ZNF676: variants seen among roughly 807,000 people sequenced by gnomAD.
The protein encoded by ZNF676 is zinc finger protein 676.
In ZNF676, 4 loss-of-function variants were observed where a neutral mutation model predicts 6.0. That is an observed-to-expected ratio of 0.67 (90% CI 0.33 to 1.53). The LOEUF (loss-of-function observed/expected upper bound fraction) is 1.53, where lower values mean the gene tolerates loss of function less well. Among genes scored for constraint, ZNF676 ranks in the 40% most tolerant of loss-of-function variants. The probability of loss-of-function intolerance (pLI) is 0.06; values close to 1 mark genes in which losing one functional copy is unlikely to be tolerated. For missense variants in ZNF676, 644 were observed against 679.7 expected (o/e 0.95, Z 0.58); for synonymous variants, 198 against 223.1 (o/e 0.89, Z 1.00).
the ZNF676 span, among the ~76,000 whole-genome samples, chr19:22,241,577 G>A: frequency 1.3e-5 from 2 of 151,902 alleles, no homozygotes; most frequent in African/African-American, 4.9e-5. Context: ...GTGCATAAGA[G>A]TGTCACAATA....
chr19:22,219,815 C>T (rs2024229676), upstream of ZNF676, among the ~76,000 whole-genome samples: 1 of 152,028 alleles, frequency 6.6e-6, no homozygotes, highest in African/African-American at 2.4e-5. Flanking sequence ...ACCATCATGC[C>T]TGGCTAATTT....
intron 1 of ZNF676, among the ~76,000 whole-genome samples, chr19:22,196,059 T>G (rs1184414823): frequency 2.0e-5 from 3 of 152,150 alleles, no homozygotes; most frequent in Admixed American, 1.3e-4. Context: ...AATCACAAAA[T>G]GAGAGCTGCC....
intron 1 of ZNF676, among the ~76,000 whole-genome samples, chr19:22,194,856 G>T (rs545406050): frequency 1.3e-5 from 2 of 152,108 alleles, no homozygotes; most frequent in Admixed American, 1.3e-4. Context: ...GGAACACCAG[G>T]AAGTGCACGA....
chr19:22,196,350 A>G lies in ZNF676; in HGVS notation c.34+250T>C, dbSNP rs146204922. On this transcript the variant is annotated intron_variant, in intron 1 of 2. Coordinates refer to ENST00000397121, the MANE Select transcript of ZNF676 (RefSeq NM_001001411.3). ...AAAGAATACAGTCATGCAGGCCTGC[A>G]TTAAGTCAAGCAGCTGACCACAACC... Among the ~76,000 whole-genome samples the G allele has an allele frequency of 1.2e-3, 183 of 152,258 alleles. 1 individual carries two copies. The highest frequency in any genetic ancestry group is 4.1e-3 in the African/African-American group (172 of 41,554).
the ZNF676 span, among the ~76,000 whole-genome samples, chr19:22,245,964 C>T: frequency 6.6e-6 from 1 of 152,190 alleles, no homozygotes; most frequent in East Asian, 1.9e-4. Flanking sequence ...CCAAAAGGTT[C>T]CTTGTGGGCA....
chr19:22,181,920 C>T (rs1287194570), intron 2 of ZNF676, among the ~76,000 whole-genome samples: 2 of 147,052 alleles, frequency 1.4e-5, no homozygotes, highest in Non-Finnish European at 3.0e-5. Flanking sequence ...GCAAATTGTC[C>T]ATTTCTGATT....
the ZNF676 span, among the ~76,000 whole-genome samples, chr19:22,236,954 C>A: frequency 6.6e-6 from 1 of 152,216 alleles, no homozygotes; most frequent in African/African-American, 2.4e-5. Flanking sequence ...ATTATTCCCA[C>A]TGTATTTAAA....
In ZNF676 at chr19:22,180,209, T is replaced by C. The variant is rs370818313; in HGVS notation, c.1508A>G (p.Lys503Arg). Residue 503 changes from lysine to arginine, a missense_variant, in exon 3 of 3, where the codon AAA (lysine) becomes AGA (arginine). Coordinates refer to ENST00000397121, the MANE Select transcript of ZNF676 (RefSeq NM_001001411.3). ...GCCACATTCTTCACATTTGTAGCGTTTCTCTCCAGTATGAATTATCTTATG... is the reference window on the plus strand; with the variant it reads ...GCCACATTCTTCACATTTGTAGCGTCTCTCTCCAGTATGAATTATCTTATG... The part of the protein sequence containing the change: ...TKHKIIHTGE[K>R]RYKCEECGKA... 18 of 1,613,816 alleles carry C rather than the reference T, an allele frequency of 1.1e-5. No homozygotes were observed. The African/African-American group carries it at 2.4e-4, about 22-fold the overall frequency.
At chr19:22,228,666 A>G in the ZNF676 span, among the ~76,000 whole-genome samples, 1 of 152,228 alleles carries the variant, frequency 6.6e-6, no homozygotes, top group Non-Finnish European at 1.5e-5. Context: ...GTCTCAGGAT[A>G]CAAAATCAAT....
chr19:22,215,961 A>AG (rs2024183772), upstream of ZNF676, among the ~76,000 whole-genome samples: 1 of 152,346 alleles, frequency 6.6e-6, no homozygotes, highest in East Asian at 1.9e-4. Flanking sequence ...CTTTTCAGGC[A>AG]GGGCTTCCTC....
At chr19:22,229,210 A>G in the ZNF676 span, among the ~76,000 whole-genome samples, 1 of 152,194 alleles carries the variant, frequency 6.6e-6, no homozygotes, top group Non-Finnish European at 1.5e-5. Flanking sequence ...ATCTACAACC[A>G]TCTGATCTTT....
the ZNF676 span, among the ~76,000 whole-genome samples, chr19:22,229,339 A>G: frequency 6.6e-6 from 1 of 152,212 alleles, no homozygotes; most frequent in African/African-American, 2.4e-5. Context: ...TACACCATAT[A>G]CAAAAATTAA....
the ZNF676 span, among the ~76,000 whole-genome samples, chr19:22,232,701 A>G: frequency 1.3e-5 from 2 of 152,108 alleles, no homozygotes; most frequent in East Asian, 3.9e-4. Flanking sequence ...TTTTAAAACT[A>G]AATTTATATG....
upstream of ZNF676, among the ~76,000 whole-genome samples, chr19:22,219,046 T>TG (rs796721112): frequency 0.011 from 1,593 of 138,800 alleles, 41 homozygotes; most frequent in African/African-American, 0.042. Context: ...TTTTTTTTTT[T>TG]GGTATCCTGA....
At chr19:22,202,106 A>G (rs1471287130) in intron 1 of ZNF676, among the ~76,000 whole-genome samples, 2 of 151,942 alleles carry the variant, frequency 1.3e-5, no homozygotes, top group Non-Finnish European at 1.5e-5. Flanking sequence ...CAGGTCCTGC[A>G]TGGGTAAAGT....
upstream of ZNF676, among the ~76,000 whole-genome samples, chr19:22,197,112 T>G (rs2023975251): frequency 6.6e-6 from 1 of 151,856 alleles, no homozygotes; most frequent in African/African-American, 2.4e-5. Flanking sequence ...CACCTGAGGT[T>G]GGGAGTTCGA....
chr19:22,201,025 G>A (rs115833581), upstream of ZNF676, among the ~76,000 whole-genome samples: 1,010 of 152,158 alleles, frequency 6.6e-3, 12 homozygotes, highest in African/African-American at 0.023. Context: ...TGGGCTGATG[G>A]TCCAATGATA....
At chr19:22,235,045 G>A in the ZNF676 span, among the ~76,000 whole-genome samples, 169 of 144,048 alleles carry the variant, frequency 1.2e-3, no homozygotes, top group African/African-American at 3.8e-3. Flanking sequence ...AAGAAAAGAA[G>A]GAAGGCAGAA....
chr19:22,254,887 C>A, the ZNF676 span, among the ~76,000 whole-genome samples: 213 of 152,240 alleles, frequency 1.4e-3, no homozygotes, highest in Non-Finnish European at 1.9e-3. Context: ...CAGTGATATG[C>A]CACAATTTCA....
Sources: gnomAD v4.1 joint callset for allele counts (sites outside exome capture counted in the v4.1 genomes callset) on GRCh38, gnomAD v4.1.1 for gene constraint, MANE v1.5 for transcripts, NCBI Gene and HGNC (gene_info 2026-07-23, HGNC 2026-07-21) for gene names.